The following HS6ST3 variants were observed in gnomAD, a reference collection of about 807,000 sequenced individuals.
HS6ST3 encodes heparan-sulfate 6-O-sulfotransferase 3.
In HS6ST3, 12 loss-of-function variants were observed where a neutral mutation model predicts 36.7. The observed-to-expected ratio is 0.33, with a 90% CI of 0.21 to 0.53. HS6ST3 has a LOEUF of 0.53. Among genes scored for constraint, HS6ST3 ranks in the 20% least tolerant of loss-of-function variants. The pLI is 0.95. For missense variants in HS6ST3, 584 were observed against 640.9 expected, an observed-to-expected ratio of 0.91 and a Z score of 0.96; for synonymous variants, 240 against 257.5, an observed-to-expected ratio of 0.93 and a Z score of 0.65.
rs1241307486 is a variant in HS6ST3 at position 96,837,431 on chromosome 13, C to T, written c.*4233C>T. The T allele has an allele frequency of 6.6e-6, 1 of 152,156 alleles. No homozygotes were observed. The highest frequency in any genetic ancestry group is 1.5e-5 in the Non-Finnish European group (1 of 68,038). The allele number at this position is 152,156 out of a possible 1,614,324, so 9.4% of individuals were successfully genotyped here. ...TATGTTGAAAGATTTCCCAACGACT[C>T]TAATTTATGAGCAAGAAAGTTGCTT... On this transcript the variant is annotated 3_prime_UTR_variant, in exon 2 of 2. Transcript: ENST00000376705.
At position 96,101,423 on chromosome 13, in the gene HS6ST3, T is replaced by C. The variant is rs565997769; in HGVS notation, c.707+9854T>C. Among the ~76,000 whole-genome samples, 3 of 152,242 alleles carry C rather than the reference T, an allele frequency of 2.0e-5. 1 individual carries two copies. In the South Asian group the frequency reaches 6.2e-4, roughly 32 times the overall value. The stretch of plus-strand genomic sequence containing the variant: ...TTTTAGTTTTAATTTTAAAGGACTT[T>C]TGAAGCAATATTTCCGCATTTATTT... On this transcript the variant is annotated intron_variant, in intron 1 of 1. Transcript: ENST00000376705.
At position 96,835,604 on chromosome 13, in the gene HS6ST3, G is replaced by GACACACACACACACACACACACAC. The variant is rs113563720; in HGVS notation, c.*2414_*2437dup. 1.4e-4 allele frequency: 21 copies of GACACACACACACACACACACACAC among 148,658 alleles called. No individual in the cohort carries two copies. Among genetic ancestry groups the GACACACACACACACACACACACAC allele is most frequent in the African/African-American group, 5.2e-4 (21 of 40,010 alleles). 9.2% of individuals were successfully genotyped at this position (148,658 alleles called of 1,614,324 possible). The stretch of plus-strand genomic sequence containing the variant: ...AAATTATCCTTCTGCCTGCCCCTGT[G>GACACACACACACACACACACACAC]ACACACACACACACACACACACACA... On this transcript the variant is annotated 3_prime_UTR_variant, in exon 2 of 2. Transcript: ENST00000376705.
chr13:96,133,728 C>T (rs1308517089), intron 1 of HS6ST3, among the ~76,000 whole-genome samples: 2 of 152,060 alleles, frequency 1.3e-5, no homozygotes, highest in Non-Finnish European at 2.9e-5. Flanking sequence ...TGGCCCTGTG[C>T]AGAAGCTTTT....
intron 1 of HS6ST3, among the ~76,000 whole-genome samples, chr13:96,624,877 G>T (rs183965906): frequency 6.6e-6 from 1 of 152,148 alleles, no homozygotes; most frequent in East Asian, 1.9e-4. Context: ...TCCAATTTGG[G>T]TTATTAAATA....
At chr13:96,320,147 TC>T (rs1219286874) in intron 1 of HS6ST3, among the ~76,000 whole-genome samples, 2 of 152,216 alleles carry the variant, frequency 1.3e-5, no homozygotes, top group East Asian at 3.9e-4. Flanking sequence ...TGCAGCTTCA[TC>T]TGGAATTCTC....
chr13:96,697,892 A>G (rs1270320054), intron 1 of HS6ST3, among the ~76,000 whole-genome samples: 1 of 152,224 alleles, frequency 6.6e-6, no homozygotes, highest in South Asian at 2.1e-4. Flanking sequence ...AACTAAAAGT[A>G]TAAGGGAAAA....
At chr13:96,673,412 A>T (rs2056688723) in intron 1 of HS6ST3, among the ~76,000 whole-genome samples, 1 of 152,178 alleles carries the variant, frequency 6.6e-6, no homozygotes, top group African/African-American at 2.4e-5. Context: ...CTGGTATTTC[A>T]TTCCTTTTAG....
intron 1 of HS6ST3, among the ~76,000 whole-genome samples, chr13:96,258,553 ACAGT>A (rs1401516974): frequency 2.6e-5 from 4 of 152,160 alleles, no homozygotes; most frequent in Non-Finnish European, 5.9e-5. Flanking sequence ...AGCCCCTCAT[ACAGT>A]CAGAGTAAAG....
chr13:96,579,894 A>C (rs1189230229), intron 1 of HS6ST3, among the ~76,000 whole-genome samples: 1 of 152,138 alleles, frequency 6.6e-6, no homozygotes, highest in African/African-American at 2.4e-5. Flanking sequence ...AAATGATCTG[A>C]CATAAGGAAG....
intron 1 of HS6ST3, among the ~76,000 whole-genome samples, chr13:96,108,953 C>CTATCTG (rs1200705330): frequency 9.8e-5 from 4 of 40,766 alleles, no homozygotes; most frequent in African/African-American, 3.4e-4. Flanking sequence ...ACAACCACTC[C>CTATCTG]TATCTCTATC....
intron 1 of HS6ST3, among the ~76,000 whole-genome samples, chr13:96,122,198 C>G (rs1234331890): frequency 1.3e-5 from 2 of 150,524 alleles, no homozygotes; most frequent in Admixed American, 1.3e-4. Context: ...GTAATTTGCC[C>G]AAAGTCACAA....
chr13:96,313,373 A>G (rs1320022204), intron 1 of HS6ST3, among the ~76,000 whole-genome samples: 1 of 151,746 alleles, frequency 6.6e-6, no homozygotes, highest in Non-Finnish European at 1.5e-5. Flanking sequence ...TTTTCTGCCC[A>G]TTTAAATCCC....
chr13:96,739,472 T>G lies in HS6ST3; in HGVS notation c.708-93018T>G, dbSNP rs1028338600. Among the ~76,000 whole-genome samples the G allele has an allele frequency of 1.2e-4, 18 of 152,114 alleles. No homozygotes were observed. In the East Asian group the frequency reaches 2.5e-3, roughly 21 times the overall value. On this transcript the variant is annotated intron_variant, in intron 1 of 1. Transcript: ENST00000376705. ...ATATCAGAGACTGAACTGCTCACTT[T>G]CCCCCAAAATATCTACTCCAGTCTT...
At chr13:96,750,312 A>G (rs995243421) in intron 1 of HS6ST3, among the ~76,000 whole-genome samples, 1 of 152,214 alleles carries the variant, frequency 6.6e-6, no homozygotes, top group African/African-American at 2.4e-5. Flanking sequence ...CAGGGATTGT[A>G]AGAAACGTGA....
intron 1 of HS6ST3, among the ~76,000 whole-genome samples, chr13:96,705,911 G>C (rs1030439546): frequency 1.3e-5 from 2 of 152,110 alleles, no homozygotes; most frequent in African/African-American, 4.8e-5. Flanking sequence ...TTTTACCCAA[G>C]GGAAGGTAAC....
At chr13:96,747,992 A>C (rs1238954346) in intron 1 of HS6ST3, among the ~76,000 whole-genome samples, 1 of 152,072 alleles carries the variant, frequency 6.6e-6, no homozygotes, top group Non-Finnish European at 1.5e-5. Flanking sequence ...TATAAGTGAG[A>C]AGGCTGTAGG....
intron 1 of HS6ST3, among the ~76,000 whole-genome samples, chr13:96,230,276 T>C (rs1566295268): frequency 6.6e-6 from 1 of 152,016 alleles, no homozygotes; most frequent in Non-Finnish European, 1.5e-5. Context: ...ATCATTTTGG[T>C]CCATGTGAGA....
chr13:96,837,767 A>G lies in HS6ST3; in HGVS notation c.*4569A>G, dbSNP rs1420168988. ...GTCTACTCCATCCAACTCAAAACCT[A>G]TTCAATATGAAGGCCGAGGGAATGT... is the stretch of plus-strand genomic sequence containing the variant. On this transcript the variant is annotated 3_prime_UTR_variant, in exon 2 of 2. Coordinates refer to ENST00000376705, the MANE Select transcript of HS6ST3 (RefSeq NM_153456.4). 2.0e-5 allele frequency: 3 copies of G among 151,812 alleles called. No individual in the cohort carries two copies. Among genetic ancestry groups the G allele is most frequent in the Non-Finnish European group, 4.4e-5 (3 of 67,996 alleles). 9.4% of individuals were successfully genotyped at this position (151,812 alleles called of 1,614,324 possible). A position where few individuals can be genotyped will look rare whatever the true frequency, so the allele number is the denominator to read the frequency against.
At chr13:96,679,790 A>G (rs1004950811) in intron 1 of HS6ST3, among the ~76,000 whole-genome samples, 2 of 152,146 alleles carry the variant, frequency 1.3e-5, no homozygotes, top group Non-Finnish European at 1.5e-5. Flanking sequence ...TTTGAGGTAT[A>G]TATCACACAT....
Sources: allele counts gnomAD v4.1 joint callset (sites outside exome capture counted in the v4.1 genomes callset), GRCh38; gene constraint gnomAD v4.1.1; transcripts MANE v1.5; gene names NCBI Gene and HGNC (gene_info 2026-07-23, HGNC 2026-07-21).